Variants in ARHGAP19 observed in about 807,000 individuals in gnomAD.
The protein encoded by ARHGAP19 is Rho GTPase activating protein 19, also known as rho GTPase-activating protein 19.
Under a neutral mutation model 60.9 loss-of-function variants are expected in ARHGAP19, and 48 were observed. The observed-to-expected ratio is 0.79, with a 90% confidence interval of 0.62 to 1.00. The LOEUF (loss-of-function observed/expected upper bound fraction) is 1.00, where lower values mean the gene tolerates loss of function less well. ARHGAP19 is among the 50% of genes least tolerant of loss of function. The pLI, the probability that ARHGAP19 is intolerant of heterozygous loss-of-function variation, is 0.00. For missense variants in ARHGAP19, 562 were observed against 597.2 expected (o/e 0.94, Z 0.61); for synonymous variants, 209 against 215.5 (o/e 0.97, Z 0.27).
chr10:97,246,402 G>A (rs184240993), intron 6 of ARHGAP19, 65 bp from the exon 7 acceptor site: 168 of 1,276,594 alleles, frequency 1.3e-4, no homozygotes, highest in African/African-American at 5.0e-4. Context: ...CTTTCAGGCC[G>A]CAAGGACAGT....
intron 6 of ARHGAP19, among the ~76,000 whole-genome samples, chr10:97,253,933 G>A (rs1021135519): frequency 1.9e-4 from 29 of 152,060 alleles, no homozygotes; most frequent in African/African-American, 6.5e-4. Context: ...CATGTACTCA[G>A]GGCTTTGGAA....
At chr10:97,240,471 G>A (rs536980822) in intron 8 of ARHGAP19, among the ~76,000 whole-genome samples, 118 of 152,256 alleles carry the variant, frequency 7.8e-4, no homozygotes, top group Non-Finnish European at 1.5e-3. Flanking sequence ...GGCCAATATG[G>A]CATAATCCCG....
chr10:97,278,820 A>C (rs954801638), intron 1 of ARHGAP19, among the ~76,000 whole-genome samples: 5 of 152,196 alleles, frequency 3.3e-5, no homozygotes, highest in African/African-American at 1.2e-4. Flanking sequence ...TTAAAAAAAA[A>C]AAAAACTGCA....
chr10:97,250,446 G>A lies in ARHGAP19; in HGVS notation c.928-4109C>T, dbSNP rs187596394. Among the ~76,000 whole-genome samples the A allele has an allele frequency of 3.7e-3, 563 of 150,540 alleles. 6 individuals carry two copies. The highest frequency in any genetic ancestry group is 5.3e-3 in the Non-Finnish European group (359 of 67,784). Reference sequence around the variant, plus strand: ...TGTCGCCAGGCTGGAGTGCAATGGCGCAATCTTGGCTCACCACAACCTTTG... The same window carrying A: ...TGTCGCCAGGCTGGAGTGCAATGGCACAATCTTGGCTCACCACAACCTTTG... On this transcript the variant is annotated intron_variant, in intron 6 of 11. Transcript: ENST00000358531.
intron 1 of ARHGAP19, among the ~76,000 whole-genome samples, chr10:97,279,361 A>C (rs572447907): frequency 1.8e-4 from 28 of 152,352 alleles, no homozygotes; most frequent in African/African-American, 6.7e-4. Flanking sequence ...GTAGCTGTGC[A>C]ATGTTTTATA....
At chr10:97,235,094 C>G (rs1053313972) in intron 9 of ARHGAP19, 123 bp downstream of exon 9, 2 of 838,292 alleles carry the variant, frequency 2.4e-6, no homozygotes, top group African/African-American at 3.4e-5. Flanking sequence ...GTCTTTACCC[C>G]CTTATAAACT....
At chr10:97,274,156 AG>A (rs1842995276) in intron 1 of ARHGAP19, among the ~76,000 whole-genome samples, 1 of 152,166 alleles carries the variant, frequency 6.6e-6, no homozygotes, top group Non-Finnish European at 1.5e-5. Context: ...AGTGATTAAG[AG>A]GCATGAAGGT....
At chr10:97,289,966 T>C (rs1843208683) in intron 1 of ARHGAP19, among the ~76,000 whole-genome samples, 2 of 152,088 alleles carry the variant, frequency 1.3e-5, no homozygotes, top group African/African-American at 2.4e-5. Flanking sequence ...TTCACCAAAA[T>C]TTAGAAATTT....
At chr10:97,245,338 T>G (rs1288515922) in intron 7 of ARHGAP19, among the ~76,000 whole-genome samples, 4 of 151,922 alleles carry the variant, frequency 2.6e-5, no homozygotes, top group Non-Finnish European at 5.9e-5. Flanking sequence ...TCAATACTCA[T>G]ATCTAGGCTG....
In ARHGAP19 at chr10:97,273,484, C is replaced by CTTTT. The variant is rs11442502; in HGVS notation, c.57-7363_57-7360dup. Among the ~76,000 whole-genome samples the CTTTT allele has an allele frequency of 7.5e-4, 69 of 92,506 alleles. 1 individual carries two copies. Among genetic ancestry groups the CTTTT allele is most frequent in the South Asian group, 5.0e-3 (12 of 2,418 alleles). 60.7% of individuals were successfully genotyped at this position (92,506 alleles called of 152,430 possible). On this transcript the variant is annotated intron_variant, in intron 1 of 11. Transcript: ENST00000358531. ...AGCCTATTTCATTAATTTCTGCTCT[C>CTTTT]TTTTTTTTTTTTTTTTTTTTTTGAG...
chr10:97,237,046 C>T (rs113424242), intron 8 of ARHGAP19, among the ~76,000 whole-genome samples: 3,193 of 152,122 alleles, frequency 0.021, 114 homozygotes, highest in African/African-American at 0.07. Flanking sequence ...CAGCAGATCA[C>T]TTGAGCTCAA....
At chr10:97,285,664 G>A (rs1843145731) in intron 1 of ARHGAP19, among the ~76,000 whole-genome samples, 1 of 151,802 alleles carries the variant, frequency 6.6e-6, no homozygotes, top group Non-Finnish European at 1.5e-5. Context: ...TGGGATTATA[G>A]GCAACCGCCA....
chr10:97,264,280 C>G (rs1842868632), intron 3 of ARHGAP19, among the ~76,000 whole-genome samples: 1 of 152,036 alleles, frequency 6.6e-6, no homozygotes. Context: ...GGCAAAATCC[C>G]ATCTCTACAA....
intron 9 of ARHGAP19, among the ~76,000 whole-genome samples, chr10:97,233,421 A>C (rs1463659124): frequency 6.6e-6 from 1 of 152,172 alleles, no homozygotes; most frequent in Admixed American, 6.5e-5. Context: ...TTTTAAGCAA[A>C]GAGCTCCCTG....
At chr10:97,290,096 AC>A (rs962563029) in intron 1 of ARHGAP19, among the ~76,000 whole-genome samples, 1 of 151,986 alleles carries the variant, frequency 6.6e-6, no homozygotes, top group Non-Finnish European at 1.5e-5. Context: ...AACTCGGGCA[AC>A]CCCCTTTGGG....
intron 1 of ARHGAP19, among the ~76,000 whole-genome samples, chr10:97,266,957 C>T (rs530382360): frequency 2.0e-5 from 3 of 152,148 alleles, no homozygotes; most frequent in Non-Finnish European, 4.4e-5. Flanking sequence ...CCTCCCAAAT[C>T]TCATGTCCTC....
intron 1 of ARHGAP19, among the ~76,000 whole-genome samples, chr10:97,291,831 G>A (rs1843236612): frequency 2.0e-5 from 3 of 151,716 alleles, no homozygotes; most frequent in African/African-American, 7.3e-5. Flanking sequence ...TAGGTCTCAA[G>A]GCTAAGGCAA....
chr10:97,236,257 G>A (rs189389586), intron 8 of ARHGAP19, among the ~76,000 whole-genome samples: 30 of 152,214 alleles, frequency 2.0e-4, no homozygotes, highest in Admixed American at 2.0e-3. Context: ...GATTACAGGC[G>A]TGAGACACCA....
At chr10:97,231,942 T>C (rs1851025844) in intron 9 of ARHGAP19, among the ~76,000 whole-genome samples, 1 of 151,778 alleles carries the variant, frequency 6.6e-6, no homozygotes, top group Non-Finnish European at 1.5e-5. Flanking sequence ...GGGTTCCAAA[T>C]TCTCCACATC....
Sources: gnomAD v4.1 joint callset for allele counts (sites outside exome capture counted in the v4.1 genomes callset) on GRCh38, gnomAD v4.1.1 for gene constraint, MANE v1.5 for transcripts, NCBI Gene and HGNC (gene_info 2026-07-23, HGNC 2026-07-21) for gene names.